NLGN1: variants seen among roughly 807,000 people sequenced by gnomAD.
NLGN1 encodes neuroligin 1.
Under a neutral mutation model 65.5 loss-of-function variants are expected in NLGN1, and 12 were observed. The observed-to-expected ratio is 0.18, with a 90% confidence interval of 0.12 to 0.30. NLGN1 has a LOEUF of 0.30. Among genes scored for constraint, NLGN1 ranks in the 10% least tolerant of loss-of-function variants. The pLI, the probability that NLGN1 is intolerant of heterozygous loss-of-function variation, is 1.00. For missense variants in NLGN1, 750 were observed against 1,007.1 expected (o/e 0.74, Z 3.46); for synonymous variants, 350 against 359.5 (o/e 0.97, Z 0.30).
At chr3:174,185,852 A>G (rs987727636) in intron 4 of NLGN1, among the ~76,000 whole-genome samples, 3 of 152,086 alleles carry the variant, frequency 2.0e-5, no homozygotes, top group South Asian at 2.1e-4. Context: ...CTGATACTCT[A>G]TCTTCTTTAT....
chr3:173,982,014 G>C lies in NLGN1; in HGVS notation c.646+174182G>C, dbSNP rs577950052. On this transcript the variant is annotated intron_variant, in intron 4 of 6. Coordinates refer to ENST00000457714, the Ensembl canonical transcript of NLGN1. ...GTCACATTTGAAAAAAATCTGTTTT[G>C]ATATTAAACTCAAACATTTGAGGAA... Among the ~76,000 whole-genome samples the C allele has an allele frequency of 1.5e-3, 230 of 151,976 alleles. 1 individual carries two copies. The highest frequency in any genetic ancestry group is 2.6e-3 in the Non-Finnish European group (179 of 67,916).
At chr3:174,217,897 C>T (rs1412674856) in intron 4 of NLGN1, among the ~76,000 whole-genome samples, 2 of 151,982 alleles carry the variant, frequency 1.3e-5, no homozygotes, top group African/African-American at 2.4e-5. Context: ...AGAAAAAGTA[C>T]TGAGGGGGAT....
At chr3:173,700,735 T>C (rs995022983) in intron 3 of NLGN1, among the ~76,000 whole-genome samples, 5 of 152,192 alleles carry the variant, frequency 3.3e-5, no homozygotes, top group Admixed American at 6.5e-5. Context: ...ATAACTGATA[T>C]ATGGTAGGGC....
intron 3 of NLGN1, among the ~76,000 whole-genome samples, chr3:173,747,350 A>G (rs1775615041): frequency 1.1e-5 from 1 of 93,730 alleles, no homozygotes; most frequent in South Asian, 3.9e-4. Context: ...ATGTATTTTA[A>G]TATATATACT....
intron 4 of NLGN1, among the ~76,000 whole-genome samples, chr3:173,832,375 ATAT>A (rs1289703151): frequency 1.3e-5 from 2 of 152,202 alleles, no homozygotes; most frequent in African/African-American, 4.8e-5. Context: ...AACTTTCCTT[ATAT>A]TAACTATTGA....
chr3:174,050,478 CTG>C (rs113587935), intron 4 of NLGN1, among the ~76,000 whole-genome samples: 8,027 of 151,862 alleles, frequency 0.053, 446 homozygotes, highest in African/African-American at 0.14. Flanking sequence ...CTATGGTAAA[CTG>C]TTAGAAAATA....
intron 2 of NLGN1, among the ~76,000 whole-genome samples, chr3:173,446,914 T>C (rs1720466457): frequency 6.6e-6 from 1 of 152,224 alleles, no homozygotes; most frequent in African/African-American, 2.4e-5. Context: ...TGGGGTTGTT[T>C]GTTTTTTTCT....
downstream of NLGN1, among the ~76,000 whole-genome samples, chr3:174,289,470 G>T (rs192355421): frequency 1.3e-5 from 2 of 151,318 alleles, no homozygotes; most frequent in African/African-American, 4.8e-5. Context: ...GTATTTGCAG[G>T]ATATATTTTT....
intron 2 of NLGN1, among the ~76,000 whole-genome samples, chr3:173,493,464 C>G (rs1729508196): frequency 6.6e-6 from 1 of 151,806 alleles, no homozygotes; most frequent in Non-Finnish European, 1.5e-5. Flanking sequence ...GCACTCTTGT[C>G]TATTGTAAAT....
At chr3:173,545,084 T>TTTTGG (rs1739556599) in intron 2 of NLGN1, among the ~76,000 whole-genome samples, 1 of 151,922 alleles carries the variant, frequency 6.6e-6, no homozygotes, top group African/African-American at 2.4e-5. Flanking sequence ...TTTTGTTTTG[T>TTTTGG]TTTGTTTGAG....
chr3:174,168,720 G>A (rs1387568063), intron 4 of NLGN1, among the ~76,000 whole-genome samples: 1 of 151,380 alleles, frequency 6.6e-6, no homozygotes, highest in Non-Finnish European at 1.5e-5. Flanking sequence ...TCAGCCCTAG[G>A]TGGTGTGGGC....
intron 4 of NLGN1, among the ~76,000 whole-genome samples, chr3:174,049,794 A>T (rs1391307861): frequency 1.3e-5 from 2 of 152,128 alleles, no homozygotes; most frequent in Non-Finnish European, 2.9e-5. Context: ...GGATGTGCCT[A>T]GCTAACGTGA....
At position 173,523,291 on chromosome 3, in the gene NLGN1, TG is replaced by T. The variant is rs1158594730; in HGVS notation, c.-320-80987del. 1.3e-5 allele frequency among the ~76,000 whole-genome samples: 2 copies of T among 151,786 alleles called. 1 individual carries two copies. The highest frequency in any genetic ancestry group is 2.9e-5 in the Non-Finnish European group (2 of 67,834). On this transcript the variant is annotated intron_variant, in intron 2 of 6. Transcript: ENST00000457714. ...ATCATTTGTCTATTTTTGTTTTTGT[TG>T]CATTTGCCTTTGGGATCTTCATCAT... is the stretch of plus-strand genomic sequence containing the variant.
At chr3:173,654,764 C>G (rs1214561868) in intron 3 of NLGN1, among the ~76,000 whole-genome samples, 1 of 152,046 alleles carries the variant, frequency 6.6e-6, no homozygotes, top group Non-Finnish European at 1.5e-5. Context: ...AGATAGATAT[C>G]TGAGAACTGC....
intron 3 of NLGN1, among the ~76,000 whole-genome samples, chr3:173,713,364 T>C (rs1578085313): frequency 1.3e-5 from 2 of 152,232 alleles, no homozygotes; most frequent in South Asian, 2.1e-4. Flanking sequence ...TAACTCGTTC[T>C]TTTGTCTTTT....
chr3:173,612,539 T>A (rs1230195958), intron 3 of NLGN1, among the ~76,000 whole-genome samples: 1 of 152,062 alleles, frequency 6.6e-6, no homozygotes, highest in African/African-American at 2.4e-5. Context: ...CTCCAATTTC[T>A]AGCTCTGTTG....
chr3:173,923,421 C>T (rs1156323936), intron 4 of NLGN1, among the ~76,000 whole-genome samples: 1 of 152,092 alleles, frequency 6.6e-6, no homozygotes, highest in African/African-American at 2.4e-5. Flanking sequence ...AATGAATTGC[C>T]TGCCACAGAG....
At chr3:173,895,517 T>C (rs1010686549) in intron 4 of NLGN1, among the ~76,000 whole-genome samples, 1 of 152,128 alleles carries the variant, frequency 6.6e-6, no homozygotes, top group Non-Finnish European at 1.5e-5. Context: ...TCAACCTGAA[T>C]GGAGACACTC....
intron 3 of NLGN1, among the ~76,000 whole-genome samples, chr3:173,709,605 C>T (rs999379971): frequency 6.6e-6 from 1 of 151,676 alleles, no homozygotes; most frequent in African/African-American, 2.4e-5. Context: ...AGTTCGAGAC[C>T]AGCCTGTCCA....
Sources: allele counts gnomAD v4.1 joint callset (sites outside exome capture counted in the v4.1 genomes callset), GRCh38; gene constraint gnomAD v4.1.1; transcripts MANE v1.5; gene names NCBI Gene and HGNC (gene_info 2026-07-23, HGNC 2026-07-21).